ZBTB24: variants seen among roughly 807,000 people sequenced by gnomAD.
ZBTB24 encodes zinc finger and BTB domain containing 24.
Under a neutral mutation model 53.8 loss-of-function variants are expected in ZBTB24, and 32 were observed. That is an observed-to-expected ratio of 0.60 (90% CI 0.45 to 0.80). The LOEUF is 0.80. Among genes scored for constraint, ZBTB24 ranks in the 30% least tolerant of loss-of-function variants. ZBTB24 has a pLI of 0.00. For missense variants in ZBTB24, 722 were observed against 837.1 expected, an observed-to-expected ratio of 0.86 and a Z score of 1.70; for synonymous variants, 297 against 306.7, an observed-to-expected ratio of 0.97 and a Z score of 0.33.
intron 5 of ZBTB24, 132 bp from the exon 6 acceptor site, chr6:109,467,866 T>A (rs1582670192): frequency 9.6e-6 from 10 of 1,046,072 alleles, no homozygotes; most frequent in African/African-American, 1.6e-5. Flanking sequence ...ATCCCCTCCG[T>A]AAGCGTAAAC....
chr6:109,466,857 AAG>A (rs1312348639), intron 6 of ZBTB24, among the ~76,000 whole-genome samples: 4 of 152,176 alleles, frequency 2.6e-5, no homozygotes, highest in African/African-American at 9.7e-5. Flanking sequence ...CAGATAAGAA[AAG>A]AGAGTAAATA....
At chr6:109,470,568 CT>C (rs1276638422) in intron 5 of ZBTB24, among the ~76,000 whole-genome samples, 2 of 152,216 alleles carry the variant, frequency 1.3e-5, no homozygotes, top group Non-Finnish European at 2.9e-5. Flanking sequence ...CACCCAGCCC[CT>C]GTCCAGCCAG....
intron 5 of ZBTB24, among the ~76,000 whole-genome samples, chr6:109,469,299 T>C (rs139426520): frequency 6.6e-6 from 1 of 152,370 alleles, no homozygotes; most frequent in East Asian, 1.9e-4. Flanking sequence ...AAAATTCTTG[T>C]TGCAGTTTTC....
In ZBTB24 at chr6:109,466,402, C is replaced by T. The variant is rs1470226040; in HGVS notation, c.1543G>A (p.Glu515Lys). Residue 515 changes from glutamate (E) to lysine (K), a missense_variant, in exon 7 of 7, where the codon GAG becomes AAG. By Grantham distance (56) the Glu-to-Lys change is moderately conservative. Transcript: ENST00000230122. ...CTGCTGGCATCTGAAGCATGCTTCT[C>T]CTTGCTATGAATTTTCAAGTGAGCC... ...LKAHLKIHSK[E>K]KHASDASSIS... The T allele has an allele frequency of 1.9e-6, 3 of 1,614,022 alleles. No individual in the cohort carries two copies. Among genetic ancestry groups the T allele is most frequent in the South Asian group, 1.1e-5 (1 of 91,086 alleles).
chr6:109,466,688 A>G, intron 6 of ZBTB24, 114 bp from the exon 7 acceptor site: 1 of 1,385,716 alleles, frequency 7.2e-7, no homozygotes, highest in Non-Finnish European at 9.8e-7. Context: ...TGCAAGTCAT[A>G]AGTCATGGGT....
Position 109,476,239 on chromosome 6 carries a change from A to G in ZBTB24, c.1140T>C (p.Cys380=), listed in dbSNP as rs775000864. Residue 380 remains cysteine (C), a synonymous_variant, in exon 4 of 7, where the codon TGT becomes TGC. Coordinates refer to ENST00000230122, the MANE Select transcript of ZBTB24 (RefSeq NM_014797.3). ...GGCTGAAATATTTTCCGCATTGATC[A>G]CAGGTAAAAGACTTCTGTCCTGCCA... ...SLHSGQKSFT[C]DQCGKYFSQN... 4 of 1,614,134 alleles carry G rather than the reference A, an allele frequency of 2.5e-6. No individual in the cohort carries two copies. Among genetic ancestry groups the G allele is most frequent in the Non-Finnish European group, 3.4e-6 (4 of 1,180,016 alleles).
chr6:109,477,129 T>C (rs944660299), intron 2 of ZBTB24, among the ~76,000 whole-genome samples, 199 bp from the exon 3 acceptor site: 2 of 152,256 alleles, frequency 1.3e-5, no homozygotes, highest in African/African-American at 2.4e-5. Context: ...AGCACTAACA[T>C]AACCTAATTT....
At chr6:109,470,843 TCTTA>T (rs1266987913) in intron 5 of ZBTB24, among the ~76,000 whole-genome samples, 1 of 152,258 alleles carries the variant, frequency 6.6e-6, no homozygotes, top group Admixed American at 6.5e-5. Context: ...TTATTTGCGG[TCTTA>T]CTGTGTGAGG....
chr6:109,474,295 T>C (rs948072192), intron 5 of ZBTB24, among the ~76,000 whole-genome samples: 1 of 152,202 alleles, frequency 6.6e-6, no homozygotes, highest in African/African-American at 2.4e-5. Context: ...CCCTAATCAA[T>C]GCTGCCTCCT....
intron 5 of ZBTB24, among the ~76,000 whole-genome samples, chr6:109,471,242 T>C (rs1582673212): frequency 6.6e-6 from 1 of 152,328 alleles, no homozygotes; most frequent in East Asian, 1.9e-4. Flanking sequence ...GGCATTCCTA[T>C]ATGGTCTTCT....
intron 2 of ZBTB24, among the ~76,000 whole-genome samples, chr6:109,479,819 G>A (rs1055603050): frequency 9.3e-5 from 14 of 149,948 alleles, no homozygotes; most frequent in African/African-American, 3.4e-4. Context: ...AGGAGGCTGA[G>A]GCAGGAGAAT....
intron 1 of ZBTB24, among the ~76,000 whole-genome samples, chr6:109,482,738 A>G (rs1383316924): frequency 6.6e-6 from 1 of 152,176 alleles, no homozygotes; most frequent in Non-Finnish European, 1.5e-5. Flanking sequence ...CGAACTTTCT[A>G]TGGTTGCACA....
In ZBTB24 at chr6:109,465,458, C is replaced by A; in HGVS notation, c.*393G>T. On this transcript the variant is annotated 3_prime_UTR_variant, in exon 7 of 7. Coordinates refer to ENST00000230122, the MANE Select transcript of ZBTB24 (RefSeq NM_014797.3). ...GAACAAACCATTCTGCCCAGTTCAA[C>A]CAAAATGACTCCCTTTGTCCTAGAA... 1 of 607,440 alleles carries A rather than the reference C, an allele frequency of 1.6e-6. No homozygotes were observed. The allele number at this position is 607,440 out of a possible 1,614,324, so 37.6% of individuals were successfully genotyped here. A position where few individuals can be genotyped will look rare whatever the true frequency, so the allele number is the denominator to read the frequency against.
chr6:109,476,372 A>C lies in ZBTB24; in HGVS notation c.1121-114T>G, dbSNP rs1257248421. ...GGTCCCCATTTTCTACAAATGATAC[A>C]AGCGACTTGTTTACATACCCAGAAG... On this transcript the variant is annotated intron_variant, in intron 3 of 6. Transcript: ENST00000230122. The C allele has an allele frequency of 4.8e-6, 5 of 1,041,400 alleles. No homozygotes were observed. The Admixed American group carries it at 1.0e-4, about 21-fold the overall frequency. 64.5% of individuals were successfully genotyped at this position (1,041,400 alleles called of 1,614,324 possible). A position where few individuals can be genotyped will look rare whatever the true frequency, so the allele number is the denominator to read the frequency against.
chr6:109,481,980 G>C lies in ZBTB24; in HGVS notation c.47C>G (p.Ser16Ter), dbSNP rs370370334. The change falls in exon 2 of 7, where the codon TCA becomes TGA. Residue 16 changes from serine to a stop codon, truncating the protein, a stop_gained. Transcript: ENST00000230122. LOFTEE classifies it high-confidence loss of function. ...CAGCACAGTGTCACTGTGAGCGTCT[G>C]AGTGTACAACAAGCTGCCCAGAAGG... The part of the protein sequence containing the change: ...PEPSGQLVVH[S>*]DAHSDTVLAS... 40 of 1,614,074 alleles carry C rather than the reference G, an allele frequency of 2.5e-5. No individual in the cohort carries two copies. Among genetic ancestry groups the C allele is most frequent in the Non-Finnish European group, 3.3e-5 (39 of 1,180,058 alleles).
intron 5 of ZBTB24, among the ~76,000 whole-genome samples, chr6:109,468,664 G>A (rs1776104764): frequency 6.6e-6 from 1 of 152,008 alleles, no homozygotes; most frequent in South Asian, 2.1e-4. Flanking sequence ...TCCTTTTTAA[G>A]ATAACTTGTG....
rs780212818 is a variant in ZBTB24, at chr6:109,475,383, C to A, written c.1288+16G>T. On this transcript the variant is annotated intron_variant, in intron 5 of 6. Transcript: ENST00000230122. ...ACATCCCGTGTACTGGGGGGACAGA[C>A]GAGATGGAGTTTTACCTGTGTGTGT... The A allele has an allele frequency of 6.2e-7, 1 of 1,614,022 alleles. No homozygotes were observed. The highest frequency in any genetic ancestry group is 8.5e-7 in the Non-Finnish European group (1 of 1,179,936).
intron 1 of ZBTB24, 83 bp downstream of exon 1, chr6:109,483,015 G>C (rs1776467577): frequency 6.6e-6 from 1 of 152,220 alleles, no homozygotes; most frequent in African/African-American, 2.4e-5. Flanking sequence ...GCCCGACTGG[G>C]GAGCACACGG....
In ZBTB24 at chr6:109,474,732, C is replaced by CA. The variant is rs538851873; in HGVS notation, c.1288+666dup. Among the ~76,000 whole-genome samples, 654 of 105,490 alleles carry CA rather than the reference C, an allele frequency of 6.2e-3. 4 individuals are homozygous for CA. The highest frequency in any genetic ancestry group is 0.012 in the African/African-American group (370 of 30,130). The allele number at this position is 105,490 out of a possible 152,430, so 69.2% of individuals were successfully genotyped here. On this transcript the variant is annotated intron_variant, in intron 5 of 6. Transcript: ENST00000230122. ...CTGGCAACAGAGCGAGACTCCGTCT[C>CA]AAAAAAAAAAAAAAAAATTTATCTT... is the stretch of plus-strand genomic sequence containing the variant.
Sources: gnomAD v4.1 joint callset for allele counts (sites outside exome capture counted in the v4.1 genomes callset) on GRCh38, gnomAD v4.1.1 for gene constraint, MANE v1.5 for transcripts, NCBI Gene and HGNC (gene_info 2026-07-23, HGNC 2026-07-21) for gene names.